ERC2: variants seen among roughly 807,000 people sequenced by gnomAD.
The protein encoded by ERC2 is ELKS/RAB6-interacting/CAST family member 2, also known as ERC protein 2.
ERC2 carries 42 observed loss-of-function variants against 114.8 expected under a neutral mutation model. That is an observed-to-expected ratio of 0.37 (90% CI 0.29 to 0.47). The LOEUF (loss-of-function observed/expected upper bound fraction) is 0.47. ERC2 is among the 20% of genes least tolerant of loss of function. ERC2 has a pLI of 0.99. For missense variants in ERC2, 939 were observed against 1,150.7 expected, an observed-to-expected ratio of 0.82 and a Z score of 2.66; for synonymous variants, 454 against 425.5, an observed-to-expected ratio of 1.07 and a Z score of -0.82.
At chr3:55,691,573 A>AAATATATAT (rs1553631525) in intron 16 of ERC2, among the ~76,000 whole-genome samples, 3 of 39,742 alleles carry the variant, frequency 7.5e-5, no homozygotes, top group Admixed American at 3.6e-4. Flanking sequence ...AAAAAAAAAA[A>AAATATATAT]ATATATATAT....
intron 2 of ERC2, among the ~76,000 whole-genome samples, chr3:56,333,974 T>C (rs933865662): frequency 6.6e-6 from 1 of 152,230 alleles, no homozygotes; most frequent in Non-Finnish European, 1.5e-5. Flanking sequence ...TGGTTTGTAA[T>C]CTTATTAATC....
chr3:55,887,870 T>G (rs116182870), intron 14 of ERC2, among the ~76,000 whole-genome samples: 1,706 of 152,332 alleles, frequency 0.011, 32 homozygotes, highest in African/African-American at 0.039. Context: ...TTCTAACCTA[T>G]TTTTATAAGC....
intron 1 of ERC2, among the ~76,000 whole-genome samples, chr3:56,450,905 G>A (rs1305187649): frequency 1.3e-5 from 2 of 152,070 alleles, no homozygotes; most frequent in African/African-American, 2.4e-5. Flanking sequence ...AATTTGAGAT[G>A]TTAAATAAAA....
intron 14 of ERC2, among the ~76,000 whole-genome samples, chr3:55,825,057 G>A (rs1470598032): frequency 1.3e-5 from 2 of 152,050 alleles, no homozygotes; most frequent in African/African-American, 4.8e-5. Context: ...TTATCATGAT[G>A]TATTTTAGTA....
chr3:55,528,448 T>G (rs1485553984), intron 17 of ERC2, among the ~76,000 whole-genome samples: 1 of 152,198 alleles, frequency 6.6e-6, no homozygotes, highest in East Asian at 1.9e-4. Context: ...GTAAATGTTA[T>G]CGGCATCATC....
intron 14 of ERC2, among the ~76,000 whole-genome samples, chr3:55,772,512 T>C (rs1028565941): frequency 6.6e-6 from 1 of 152,204 alleles, no homozygotes; most frequent in Non-Finnish European, 1.5e-5. Context: ...GAGACGGGGT[T>C]TCACCGCGTT....
At chr3:56,124,102 G>A (rs1444113849) in intron 6 of ERC2, among the ~76,000 whole-genome samples, 3 of 152,090 alleles carry the variant, frequency 2.0e-5, no homozygotes, top group Admixed American at 6.6e-5. Flanking sequence ...CATTACAGAT[G>A]GATTTGGCAC....
At chr3:55,750,967 T>TA (rs2148966851) in intron 14 of ERC2, among the ~76,000 whole-genome samples, 1 of 142,210 alleles carries the variant, frequency 7.0e-6, no homozygotes, top group African/African-American at 2.4e-5. Context: ...TGATAATAGT[T>TA]AACACTTGAA....
intron 13 of ERC2, among the ~76,000 whole-genome samples, chr3:55,928,284 C>A (rs2065867454): frequency 6.6e-6 from 1 of 152,156 alleles, no homozygotes; most frequent in Non-Finnish European, 1.5e-5. Flanking sequence ...TATTGCCTGT[C>A]TTTTGGATAA....
chr3:56,398,938 G>A (rs1279458860), intron 2 of ERC2, among the ~76,000 whole-genome samples: 1 of 152,080 alleles, frequency 6.6e-6, no homozygotes, highest in Non-Finnish European at 1.5e-5. Context: ...ATTTTTATTT[G>A]CTAGATCTGC....
At chr3:55,791,625 T>C (rs966936715) in intron 14 of ERC2, among the ~76,000 whole-genome samples, 1 of 152,132 alleles carries the variant, frequency 6.6e-6, no homozygotes, top group African/African-American at 2.4e-5. Flanking sequence ...TTTCAAGACA[T>C]GCAAAAATCC....
chr3:56,360,768 C>T (rs2150557566), intron 2 of ERC2, among the ~76,000 whole-genome samples: 1 of 152,156 alleles, frequency 6.6e-6, no homozygotes, highest in Middle Eastern at 3.4e-3. Flanking sequence ...ATTAGCCAAG[C>T]ATGGTGGCAT....
chr3:55,729,837 CAAA>C (rs71096498), intron 15 of ERC2, among the ~76,000 whole-genome samples: 1,357 of 61,648 alleles, frequency 0.022, 94 homozygotes, highest in African/African-American at 0.11. Flanking sequence ...GACTCTATCG[CAAA>C]AAAAAAAAAA....
chr3:56,431,997 G>C (rs2061813752), intron 2 of ERC2, among the ~76,000 whole-genome samples: 1 of 152,206 alleles, frequency 6.6e-6, no homozygotes, highest in Non-Finnish European at 1.5e-5. Flanking sequence ...AGACGGTTAA[G>C]TGGAATTATG....
chr3:55,813,879 A>C lies in ERC2; in HGVS notation c.2564+74510T>G, dbSNP rs113755626. Among the ~76,000 whole-genome samples, 431 of 151,546 alleles carry C rather than the reference A, an allele frequency of 2.8e-3. 1 individual carries two copies. Among genetic ancestry groups the C allele is most frequent in the African/African-American group, 9.9e-3 (410 of 41,276 alleles). On this transcript the variant is annotated intron_variant, in intron 14 of 17. Transcript: ENST00000288221. Reference sequence around the variant, plus strand: ...GCCACATTGGCTCATTTAGTCAACCACTCTCCTAGCCTTAGGCAGCACACA... The same window carrying C: ...GCCACATTGGCTCATTTAGTCAACCCCTCTCCTAGCCTTAGGCAGCACACA...
chr3:56,201,376 T>G (rs7641482), intron 3 of ERC2, among the ~76,000 whole-genome samples: 32,240 of 152,246 alleles, frequency 0.21, 3,964 homozygotes, highest in East Asian at 0.5. Flanking sequence ...GATGGAGCCC[T>G]TCTGGGGTCA....
At chr3:55,932,407 T>C (rs1334245807) in intron 13 of ERC2, among the ~76,000 whole-genome samples, 1 of 152,188 alleles carries the variant, frequency 6.6e-6, no homozygotes, top group Non-Finnish European at 1.5e-5. Context: ...AATTTAATCT[T>C]TATAACAACC....
intron 3 of ERC2, among the ~76,000 whole-genome samples, chr3:56,273,848 C>A (rs1216129100): frequency 6.6e-6 from 1 of 152,184 alleles, no homozygotes; most frequent in Non-Finnish European, 1.5e-5. Flanking sequence ...CATCTTCTGA[C>A]AAGCGTATAA....
intron 14 of ERC2, among the ~76,000 whole-genome samples, chr3:55,791,496 A>T (rs1419260901): frequency 6.6e-6 from 1 of 152,184 alleles, no homozygotes; most frequent in Non-Finnish European, 1.5e-5. Flanking sequence ...GTCCTTTAAC[A>T]GCTTCAGAAT....
Sources: allele counts gnomAD v4.1 joint callset (sites outside exome capture counted in the v4.1 genomes callset), GRCh38; gene constraint gnomAD v4.1.1; transcripts MANE v1.5; gene names NCBI Gene and HGNC (gene_info 2026-07-23, HGNC 2026-07-21).